Variants in NRXN3 observed in about 807,000 individuals in gnomAD.
The protein encoded by NRXN3 is neurexin III.
NRXN3 carries 32 observed loss-of-function variants against 137.6 expected under a neutral mutation model. The observed-to-expected ratio is 0.23, with a 90% CI of 0.18 to 0.31. NRXN3 has a LOEUF of 0.31. Among genes scored for constraint, NRXN3 ranks in the 10% least tolerant of loss-of-function variants. The probability of loss-of-function intolerance (pLI) is 1.00; values close to 1 mark genes in which losing one functional copy is unlikely to be tolerated. For synonymous variants in NRXN3, 798 were observed against 784.5 expected, an observed-to-expected ratio of 1.02 and a Z score of -0.29; for missense variants, 1,574 against 2,062.5, an observed-to-expected ratio of 0.76 and a Z score of 4.59.
In NRXN3 at chr14:79,305,774, A is replaced by T. The variant is rs529550401; in HGVS notation, c.3263-161447A>T. Among the ~76,000 whole-genome samples the T allele has an allele frequency of 4.6e-5, 7 of 152,160 alleles. No homozygotes were observed. In the South Asian group the frequency reaches 1.5e-3, roughly 32 times the overall value. On this transcript the variant is annotated intron_variant, in intron 15 of 20. Coordinates refer to ENST00000335750, the MANE Select transcript of NRXN3 (RefSeq NM_001330195.2). ...TGAACTAACCTTATAATTCCATCCCAGTGGCTTCACCTCACCTGCCCTCAG... is the reference window on the plus strand; with the variant it reads ...TGAACTAACCTTATAATTCCATCCCTGTGGCTTCACCTCACCTGCCCTCAG...
chr14:79,808,019 A>T (rs2099215318), intron 20 of NRXN3, among the ~76,000 whole-genome samples: 1 of 151,946 alleles, frequency 6.6e-6, no homozygotes, highest in Non-Finnish European at 1.5e-5. Flanking sequence ...CATAAGAAAT[A>T]TCTCCTCAGA....
intron 15 of NRXN3, among the ~76,000 whole-genome samples, chr14:79,117,403 G>A (rs569655674): frequency 1.2e-4 from 18 of 152,204 alleles, no homozygotes; most frequent in African/African-American, 3.6e-4. Context: ...TTGGTTATCA[G>A]AACATGTTTG....
intron 11 of NRXN3, among the ~76,000 whole-genome samples, chr14:78,963,137 C>T (rs1225864857): frequency 1.3e-5 from 2 of 151,732 alleles, no homozygotes; most frequent in Admixed American, 6.6e-5. Flanking sequence ...TCCACATCCA[C>T]GCTCAGTCTC....
At chr14:79,118,379 A>G (rs147686242) in intron 15 of NRXN3, among the ~76,000 whole-genome samples, 49 of 152,352 alleles carry the variant, frequency 3.2e-4, no homozygotes, top group Non-Finnish European at 5.6e-4. Context: ...ATGGAGCCAC[A>G]TGATCATTTG....
intron 1 of NRXN3, among the ~76,000 whole-genome samples, chr14:78,205,970 C>T (rs752693371): frequency 6.6e-6 from 1 of 152,094 alleles, no homozygotes; most frequent in Non-Finnish European, 1.5e-5. Flanking sequence ...AAGGGGTAGG[C>T]AGGCAGAAGG....
At chr14:79,622,980 T>C (rs1462452892) in intron 16 of NRXN3, among the ~76,000 whole-genome samples, 1 of 152,216 alleles carries the variant, frequency 6.6e-6, no homozygotes, top group Non-Finnish European at 1.5e-5. Flanking sequence ...AATAGACTTC[T>C]GAATATTTGC....
At chr14:79,817,153 A>G (rs968675483) in intron 20 of NRXN3, among the ~76,000 whole-genome samples, 1 of 152,134 alleles carries the variant, frequency 6.6e-6, no homozygotes, top group Non-Finnish European at 1.5e-5. Context: ...CCCGGATTCA[A>G]GCAATTCTCC....
At chr14:79,626,234 T>C (rs1317608214) in intron 16 of NRXN3, among the ~76,000 whole-genome samples, 3 of 152,090 alleles carry the variant, frequency 2.0e-5, no homozygotes, top group Non-Finnish European at 4.4e-5. Context: ...CTTTCTCCTT[T>C]AGGGGGTCTT....
chr14:79,134,077 C>G (rs539264851), intron 15 of NRXN3, among the ~76,000 whole-genome samples: 1 of 152,196 alleles, frequency 6.6e-6, no homozygotes, highest in South Asian at 2.1e-4. Flanking sequence ...AAATTTATGA[C>G]ATTTTCCTCT....
chr14:79,800,867 G>A (rs926048139), intron 19 of NRXN3, among the ~76,000 whole-genome samples: 3 of 152,152 alleles, frequency 2.0e-5, no homozygotes, highest in South Asian at 2.1e-4. Context: ...ATCTTAAGCC[G>A]CTCATATCAT....
chr14:79,165,551 A>G (rs2061208486), intron 15 of NRXN3, among the ~76,000 whole-genome samples: 1 of 152,040 alleles, frequency 6.6e-6, no homozygotes, highest in Non-Finnish European at 1.5e-5. Context: ...ATGCAGACAC[A>G]CACAATCCAA....
chr14:78,634,369 C>T (rs1323584886), intron 4 of NRXN3, among the ~76,000 whole-genome samples: 1 of 152,162 alleles, frequency 6.6e-6, no homozygotes, highest in Non-Finnish European at 1.5e-5. Flanking sequence ...CAGGTCTTTA[C>T]TTAACAAATT....
Position 79,023,394 on chromosome 14 carries a change from G to C in NRXN3, c.3262+35253G>C, listed in dbSNP as rs567964328. Reference sequence around the variant, plus strand: ...AATAAGCAAGTAAACACATGCAATAGAATAAAATATTAGCACTTTCTGAAA... The same window carrying C: ...AATAAGCAAGTAAACACATGCAATACAATAAAATATTAGCACTTTCTGAAA... On this transcript the variant is annotated intron_variant, in intron 15 of 20. Transcript: ENST00000335750. 2.6e-5 allele frequency among the ~76,000 whole-genome samples: 4 copies of C among 152,058 alleles called. No homozygotes were observed. In the South Asian group the frequency reaches 8.3e-4, roughly 32 times the overall value.
At chr14:79,368,674 T>C (rs1224882617) in intron 15 of NRXN3, among the ~76,000 whole-genome samples, 1 of 152,178 alleles carries the variant, frequency 6.6e-6, no homozygotes, top group Admixed American at 6.5e-5. Context: ...TACATTTGCA[T>C]CTCTGTCTGC....
At position 78,375,940 on chromosome 14, in the gene NRXN3, G is replaced by A. The variant is rs1420873016; in HGVS notation, c.757+78080G>A. ...ACCCTAAAAAGGATAAATCTACATG[G>A]TTCAGTGTTAGTGAAAATTCTTTTT... On this transcript the variant is annotated intron_variant, in intron 4 of 20. Transcript: ENST00000335750. Among the ~76,000 whole-genome samples the A allele has an allele frequency of 3.3e-5, 5 of 151,488 alleles. No individual in the cohort carries two copies. The East Asian group carries it at 7.8e-4, about 24-fold the overall frequency.
chr14:78,906,259 T>C (rs1187550464), intron 10 of NRXN3, among the ~76,000 whole-genome samples: 2 of 152,062 alleles, frequency 1.3e-5, no homozygotes, highest in Admixed American at 1.3e-4. Context: ...TCACTTAAAT[T>C]TTCCAGTTTT....
chr14:79,095,182 C>T (rs2050075291), intron 15 of NRXN3, among the ~76,000 whole-genome samples: 1 of 152,130 alleles, frequency 6.6e-6, no homozygotes. Context: ...TTTACTCCTG[C>T]TTAATTTTCT....
At chr14:79,828,618 C>CAAA (rs60094990) in intron 20 of NRXN3, among the ~76,000 whole-genome samples, 1 of 67,562 alleles carries the variant, frequency 1.5e-5, no homozygotes, top group African/African-American at 6.2e-5. Context: ...GACTCCATCT[C>CAAA]AAAAAAAAAA....
chr14:78,564,381 T>C (rs535346675), intron 4 of NRXN3, among the ~76,000 whole-genome samples: 15 of 152,324 alleles, frequency 9.8e-5, no homozygotes, highest in Admixed American at 3.3e-4. Context: ...AGAATGTCTA[T>C]TTAACTATCT....
Sources: allele counts gnomAD v4.1 joint callset (sites outside exome capture counted in the v4.1 genomes callset), GRCh38; gene constraint gnomAD v4.1.1; transcripts MANE v1.5; gene names NCBI Gene and HGNC (gene_info 2026-07-23, HGNC 2026-07-21).